ACAD11: variants seen among roughly 807,000 people sequenced by gnomAD.
ACAD11 encodes the protein acyl-CoA dehydrogenase family member 11, also known as acyl-Coenzyme A dehydrogenase family, member 11.
A neutral mutation model predicts 102.2 loss-of-function variants in ACAD11; 83 were observed. The ratio of observed to expected loss-of-function variants is 0.81; its 90% CI spans 0.68 to 0.97. The LOEUF (loss-of-function observed/expected upper bound fraction) is 0.97, where lower values mean the gene tolerates loss of function less well. Ranked by LOEUF, ACAD11 falls within the 50% of genes least tolerant of loss-of-function variation. The pLI is 0.00. For missense variants in ACAD11, 901 were observed against 951.7 expected, an observed-to-expected ratio of 0.95 and a Z score of 0.70; for synonymous variants, 324 against 319.8, an observed-to-expected ratio of 1.01 and a Z score of -0.14.
intron 1 of ACAD11, among the ~76,000 whole-genome samples, chr3:132,655,469 G>A (rs1302023909): frequency 6.6e-6 from 1 of 152,100 alleles, no homozygotes; most frequent in Non-Finnish European, 1.5e-5. Flanking sequence ...AGGCATTTGG[G>A]CTGTGTTTCC....
intron 13 of ACAD11, among the ~76,000 whole-genome samples, chr3:132,583,156 T>C (rs569547919): frequency 6.6e-6 from 1 of 152,288 alleles, no homozygotes; most frequent in Non-Finnish European, 1.5e-5. Flanking sequence ...TCTGGTAGAA[T>C]TCAGCTGTGA....
intron 1 of ACAD11, chr3:132,647,063 C>T (rs1272727311): frequency 1.3e-5 from 2 of 152,006 alleles, no homozygotes; most frequent in Non-Finnish European, 2.9e-5. Flanking sequence ...CACTTTAAAA[C>T]GGTTAAATTT....
Position 132,559,917 on chromosome 3 carries a change from G to A in ACAD11, c.2144C>T (p.Pro715Leu), listed in dbSNP as rs779759456. The change falls in exon 19 of 20, where the codon CCA becomes CTA. Residue 715 changes from proline to leucine, a missense_variant. Pro to Leu is a moderately conservative substitution (Grantham distance 98). Coordinates refer to ENST00000264990, the MANE Select transcript of ACAD11 (RefSeq NM_032169.5). ...KEIAMIKVAA[P>L]RAVSKIVDWA... ...GTCAACGATTTTGCTGACAGCCCGT[G>A]GGGCAGCCACTTTGATCATTGCAAT... is the stretch of plus-strand genomic sequence containing the variant. The A allele has an allele frequency of 6.2e-7, 1 of 1,613,208 alleles. No homozygotes were observed. Among genetic ancestry groups the A allele is most frequent in the South Asian group, 1.1e-5 (1 of 90,954 alleles).
intron 11 of ACAD11, among the ~76,000 whole-genome samples, chr3:132,610,967 A>T (rs1259285964): frequency 6.6e-6 from 1 of 152,174 alleles, no homozygotes; most frequent in Non-Finnish European, 1.5e-5. Flanking sequence ...TGATGCAAAA[A>T]TCCTCAATAA....
At chr3:132,562,366 G>A (rs540815588) in intron 17 of ACAD11, among the ~76,000 whole-genome samples, 1 of 152,330 alleles carries the variant, frequency 6.6e-6, no homozygotes, top group South Asian at 2.1e-4. Context: ...GCCTCCCAAA[G>A]TGCTGGGATT....
intron 13 of ACAD11, among the ~76,000 whole-genome samples, chr3:132,582,920 AAG>A (rs1937628235): frequency 6.6e-6 from 1 of 152,180 alleles, no homozygotes; most frequent in South Asian, 2.1e-4. Flanking sequence ...ACTAAAAAGG[AAG>A]AGAGAGGACT....
At chr3:132,633,857 T>C (rs1378302587) in intron 5 of ACAD11, among the ~76,000 whole-genome samples, 26 of 152,104 alleles carry the variant, frequency 1.7e-4, no homozygotes, top group African/African-American at 5.8e-4. Flanking sequence ...TAGCCATATG[T>C]AGAAAGCTGA....
At chr3:132,586,471 C>T (rs1455289609) in intron 13 of ACAD11, among the ~76,000 whole-genome samples, 2 of 151,820 alleles carry the variant, frequency 1.3e-5, no homozygotes, top group East Asian at 1.9e-4. Flanking sequence ...TGCACATGTA[C>T]CCTAAAACTT....
chr3:132,639,510 T>C lies in ACAD11; in HGVS notation c.684A>G (p.Ile228Met), dbSNP rs773539346. The C allele has an allele frequency of 6.8e-6, 11 of 1,613,384 alleles. No homozygotes were observed. The South Asian group carries it at 1.2e-4, about 18-fold the overall frequency. ...LIHGDFRLDNIVFHPKECRVI... is the reference protein window; with the variant it reads ...LIHGDFRLDNMVFHPKECRVI... ...ACTGTACCTCTTTAGGGTGGAAAAC[T>C]ATGTTATCTAGTCTGAAATCTCCAT... is the stretch of plus-strand genomic sequence containing the variant. Residue 228 changes from isoleucine (I) to methionine (M), a missense_variant, in exon 5 of 20, where the codon ATA becomes ATG. Ile to Met is a conservative substitution (Grantham distance 10). Transcript: ENST00000264990.
chr3:132,587,435 T>C (rs1393908375), intron 13 of ACAD11, among the ~76,000 whole-genome samples: 2 of 152,236 alleles, frequency 1.3e-5, no homozygotes, highest in African/African-American at 4.8e-5. Context: ...TCAGATATTT[T>C]ACCTTTAAGT....
At chr3:132,632,444 A>G (rs1940087516) in intron 5 of ACAD11, among the ~76,000 whole-genome samples, 1 of 152,170 alleles carries the variant, frequency 6.6e-6, no homozygotes, top group Non-Finnish European at 1.5e-5. Context: ...CAATTTGTAG[A>G]ATAGTATATA....
intron 13 of ACAD11, chr3:132,601,086 T>A (rs1357000447): frequency 1.2e-6 from 2 of 1,613,802 alleles, no homozygotes; most frequent in Non-Finnish European, 1.7e-6. Flanking sequence ...CTCATGAAGA[T>A]GCCAAACATT....
chr3:132,561,258 G>T, intron 17 of ACAD11, 41 bp from the exon 18 acceptor site: 1 of 1,461,068 alleles, frequency 6.8e-7, no homozygotes, highest in Non-Finnish European at 9.6e-7. Context: ...GAGGAGCTAA[G>T]CTGGTATCTG....
Position 132,559,853 on chromosome 3 carries a change from C to G in ACAD11, c.2208G>C (p.Gln736His). The G allele has an allele frequency of 5.0e-6, 8 of 1,613,372 alleles. No homozygotes were observed. Among genetic ancestry groups the G allele is most frequent in the Non-Finnish European group, 5.9e-6 (7 of 1,179,584 alleles). Reference sequence around the variant, plus strand: ...CTCACATGTTAGCCAGAGGGTAATCCTGGGAAACACCAGCACCTCCGCACA... The same window carrying G: ...CTCACATGTTAGCCAGAGGGTAATCGTGGGAAACACCAGCACCTCCGCACA... Reference protein sequence around the residue: ...IQVCGGAGVSQDYPLANMYAI... With the variant: ...IQVCGGAGVSHDYPLANMYAI... Residue 736 changes from glutamine to histidine, a missense_variant, in exon 19 of 20, where the codon CAG (glutamine) becomes CAC (histidine). Physicochemically the swap from Gln to His is conservative, Grantham distance 24. Transcript: ENST00000264990.
chr3:132,595,903 C>T (rs369340476), intron 13 of ACAD11, among the ~76,000 whole-genome samples: 3 of 152,038 alleles, frequency 2.0e-5, no homozygotes, highest in Non-Finnish European at 2.9e-5. Flanking sequence ...AAATATCATT[C>T]GAGCCAACAA....
At chr3:132,617,130 G>A (rs1299588256) in intron 11 of ACAD11, among the ~76,000 whole-genome samples, 3 of 152,142 alleles carry the variant, frequency 2.0e-5, no homozygotes, top group Non-Finnish European at 2.9e-5. Context: ...GGATGGGCCT[G>A]CCATTGGATA....
chr3:132,643,800 C>T (rs1197355105), intron 2 of ACAD11, among the ~76,000 whole-genome samples: 2 of 151,966 alleles, frequency 1.3e-5, no homozygotes, highest in Non-Finnish European at 2.9e-5. Flanking sequence ...TGGAGCATTG[C>T]TTTTTTCAAT....
intron 11 of ACAD11, among the ~76,000 whole-genome samples, chr3:132,611,712 A>G (rs1283889697): frequency 3.3e-5 from 5 of 152,044 alleles, no homozygotes; most frequent in East Asian, 3.8e-4. Flanking sequence ...CCACTGCTCA[A>G]TGAAATAAAA....
chr3:132,656,477 G>C (rs1937808383), intron 1 of ACAD11, among the ~76,000 whole-genome samples: 4 of 150,096 alleles, frequency 2.7e-5, no homozygotes, highest in Admixed American at 2.6e-4. Context: ...CCCATATCCT[G>C]ATGCTTGATA....
Sources: gnomAD v4.1 joint callset for allele counts (sites outside exome capture counted in the v4.1 genomes callset) on GRCh38, gnomAD v4.1.1 for gene constraint, MANE v1.5 for transcripts, NCBI Gene and HGNC (gene_info 2026-07-23, HGNC 2026-07-21) for gene names.